The following DGKQ variants were observed in gnomAD, a reference collection of about 807,000 sequenced individuals.
DGKQ encodes the protein DAG kinase theta.
DGKQ carries 97 observed loss-of-function variants against 104.2 expected under a neutral mutation model. The observed-to-expected ratio is 0.93, with a 90% CI of 0.79 to 1.10. The LOEUF (loss-of-function observed/expected upper bound fraction) is 1.10, where lower values mean the gene tolerates loss of function less well. Among genes scored for constraint, DGKQ ranks in the 50% least tolerant of loss-of-function variants. The pLI is 0.00. For synonymous variants in DGKQ, 736 were observed against 595.2 expected, an observed-to-expected ratio of 1.24 and a Z score of -3.44; for missense variants, 1,465 against 1,352.1, an observed-to-expected ratio of 1.08 and a Z score of -1.31.
At position 960,515 on chromosome 4, in the gene DGKQ, C is replaced by T; in HGVS notation, c.*105G>A. On this transcript the variant is annotated 3_prime_UTR_variant, in exon 23 of 23. Coordinates refer to ENST00000273814, the MANE Select transcript of DGKQ (RefSeq NM_001347.4). The stretch of plus-strand genomic sequence containing the variant: ...GGTCAGGGCTGTAGCCAGGTCCGAC[C>T]ACAGGGCCGGCCACTGTGTGGACGT... 9.4e-7 allele frequency: 1 copy of T among 1,064,026 alleles called. No homozygotes were observed. Among genetic ancestry groups the T allele is most frequent in the Non-Finnish European group, 1.4e-6 (1 of 708,664 alleles). The allele number at this position is 1,064,026 out of a possible 1,614,324, so 65.9% of individuals were successfully genotyped here.
chr4:963,066 A>C, intron 16 of DGKQ, 73 bp downstream of exon 16: 1 of 1,513,686 alleles, frequency 6.6e-7, no homozygotes, highest in Non-Finnish European at 8.9e-7. Flanking sequence ...GCCGGCCGAG[A>C]CAGCTGTGGC....
At chr4:960,842 G>T in intron 22 of DGKQ, 121 bp from the exon 23 acceptor site, 1 of 1,494,628 alleles carries the variant, frequency 6.7e-7, no homozygotes, top group South Asian at 1.3e-5. Context: ...TTTCACGGAA[G>T]GGGAGGGACC....
chr4:965,800 G>T, intron 13 of DGKQ, 128 bp downstream of exon 13: 1 of 1,116,606 alleles, frequency 9.0e-7, no homozygotes, highest in Non-Finnish European at 1.2e-6. Context: ...AGAGACGTGG[G>T]CTGGACCCGG....
rs1346500510 is a variant in DGKQ, at chr4:967,130, T to A, written c.1219A>T (p.Lys407Ter). 4.4e-6 allele frequency: 7 copies of A among 1,583,358 alleles called. No homozygotes were observed. The highest frequency in any genetic ancestry group is 6.0e-6 in the Non-Finnish European group (7 of 1,163,798). Reference protein sequence around the residue: ...EVLKIYPGWLKVGVAYVSVRV... With the variant: ...EVLKIYPGWL ...CCTGAGCCTCGGGCCCAGTCTCACT[T>A]GAGCCAGCCAGGGTAGATCTTCAGG... The change falls in exon 9 of 23, where the codon AAG (lysine) becomes TAG (stop). Residue 407 changes from lysine (K) to a stop codon, truncating the protein, a stop_gained and splice_region_variant. Coordinates refer to ENST00000273814, the MANE Select transcript of DGKQ (RefSeq NM_001347.4). LOFTEE classifies it high-confidence loss of function.
At position 971,453 on chromosome 4, in the gene DGKQ, C is replaced by T. The variant is rs1038674190; in HGVS notation, c.272-381G>A. 2.0e-5 allele frequency among the ~76,000 whole-genome samples: 3 copies of T among 152,210 alleles called. No individual in the cohort carries two copies. The highest frequency in any genetic ancestry group is 4.4e-5 in the Non-Finnish European group (3 of 68,026). The stretch of plus-strand genomic sequence containing the variant: ...CTCGGCCTTCGGCAGATTGGCTTTA[C>T]CAAGGACATCTGTGTCTCACTCCCC... On this transcript the variant is annotated intron_variant, in intron 1 of 22. Coordinates refer to ENST00000273814, the MANE Select transcript of DGKQ (RefSeq NM_001347.4). This position sits in a 1 kb window ranked among gnomAD's most constrained non-coding sequence, Gnocchi z 4.0.
Position 967,331 on chromosome 4 carries a change from C to T in DGKQ, c.1018G>A (p.Glu340Lys), listed in dbSNP as rs753823331. ...CACAGCTCCAGGTGGCCAGGGTCCTCGGGGATGTGGTGGGCCCGCAGTGCG... is the reference window on the plus strand; with the variant it reads ...CACAGCTCCAGGTGGCCAGGGTCCTTGGGGATGTGGTGGGCCCGCAGTGCG... ...EAALRAHHIP[E>K]DPGHLELCRL... The change falls in exon 9 of 23, where the codon GAG (glutamate) becomes AAG (lysine). Residue 340 changes from glutamate to lysine, a missense_variant. By Grantham distance (56) the Glu-to-Lys change is moderately conservative. Transcript: ENST00000273814. 3.2e-5 allele frequency: 48 copies of T among 1,497,392 alleles called. 1 individual carries two copies. The South Asian group carries it at 4.1e-4, about 13-fold the overall frequency. 92.8% of individuals were successfully genotyped at this position (1,497,392 alleles called of 1,614,324 possible). A position where few individuals can be genotyped will look rare whatever the true frequency, so the allele number is the denominator to read the frequency against.
rs1437903891 is a variant in DGKQ, at chr4:971,162, C to T, written c.272-90G>A. 2.2e-6 allele frequency: 2 copies of T among 910,442 alleles called. No homozygotes were observed. The highest frequency in any genetic ancestry group is 3.5e-6 in the Non-Finnish European group (2 of 576,986). The allele number at this position is 910,442 out of a possible 1,614,324, so 56.4% of individuals were successfully genotyped here. On this transcript the variant is annotated intron_variant, in intron 1 of 22. Transcript: ENST00000273814. The surrounding 1 kb of genome is among the most constrained non-coding windows in gnomAD (Gnocchi z 4.0). ...TTAGAGGCCCCAGGGCAATGACTGC[C>T]ATACCCACCATGCTGCACCAGGGGC...
intron 12 of DGKQ, 119 bp from the exon 13 acceptor site, chr4:966,197 G>A (rs1272791712): frequency 1.8e-6 from 2 of 1,137,936 alleles, no homozygotes; most frequent in Non-Finnish European, 2.5e-6. Context: ...CAGGAATTAA[G>A]TCAACAGGAA....
chr4:969,029 T>C, intron 2 of DGKQ, 119 bp from the exon 3 acceptor site: 2 of 650,594 alleles, frequency 3.1e-6, no homozygotes, highest in Admixed American at 6.6e-5. Flanking sequence ...CTGCCCAGGC[T>C]GAGCCAGCTG....
rs371264113 is a variant in DGKQ, at chr4:965,204, A to G, written c.1706T>C (p.Leu569Pro). 19 of 1,612,476 alleles carry G rather than the reference A, an allele frequency of 1.2e-5. No individual in the cohort carries two copies. Among genetic ancestry groups the G allele is most frequent in the African/African-American group, 2.7e-5 (2 of 74,914 alleles). Residue 569 changes from leucine to proline, a missense_variant, in exon 15 of 23, where the codon CTC (leucine) becomes CCC (proline). Physicochemically the swap from Leu to Pro is moderately conservative, Grantham distance 98. Coordinates refer to ENST00000273814, the MANE Select transcript of DGKQ (RefSeq NM_001347.4). Reference protein sequence around the residue: ...LKDMAVRGRLLTALVLPDLLH... With the variant: ...LKDMAVRGRLPTALVLPDLLH... The stretch of plus-strand genomic sequence containing the variant: ...CAGGTCGGGGAGCACCAGGGCAGTG[A>G]GCAGCCGGCCCCGCACAGCCATGTC...
At position 959,131 on chromosome 4, in the gene DGKQ, G is replaced by A. The variant is rs1456488039; in HGVS notation, c.*1489C>T. On this transcript the variant is annotated 3_prime_UTR_variant, in exon 23 of 23. Transcript: ENST00000273814. ...GAAGATGACAATGACGTAAACAAGA[G>A]TGCACGCTGGAGGCCACAAGCGGCC... The A allele has an allele frequency of 6.5e-6, 1 of 152,700 alleles. No homozygotes were observed. Among genetic ancestry groups the A allele is most frequent in the South Asian group, 2.1e-4 (1 of 4,844 alleles). 9.5% of individuals were successfully genotyped at this position (152,700 alleles called of 1,614,324 possible). A position where few individuals can be genotyped will look rare whatever the true frequency, so the allele number is the denominator to read the frequency against.
chr4:960,504 CCAGGTCCGACCACAGGG>C lies in DGKQ; in HGVS notation c.*99_*115del. The C allele has an allele frequency of 1.1e-6, 1 of 909,686 alleles. No individual in the cohort carries two copies. The highest frequency in any genetic ancestry group is 1.5e-5 in the South Asian group (1 of 68,738). 56.4% of individuals were successfully genotyped at this position (909,686 alleles called of 1,614,324 possible). The stretch of plus-strand genomic sequence containing the variant: ...GAAGATGCTGTGGTCAGGGCTGTAG[CCAGGTCCGACCACAGGG>C]CCGGCCACTGTGTGGACGTGGAGCT... On this transcript the variant is annotated 3_prime_UTR_variant, in exon 23 of 23. Coordinates refer to ENST00000273814, the MANE Select transcript of DGKQ (RefSeq NM_001347.4).
intron 10 of DGKQ, 69 bp downstream of exon 10, chr4:966,895 C>G (rs975790042): frequency 6.4e-7 from 1 of 1,552,652 alleles, no homozygotes; most frequent in Admixed American, 1.9e-5. Flanking sequence ...GGATGGTGGC[C>G]TGGCCTCCTG....
intron 2 of DGKQ, 98 bp from the exon 3 acceptor site, chr4:969,008 C>A: frequency 1.2e-6 from 1 of 801,538 alleles, no homozygotes; most frequent in South Asian, 1.9e-5. Context: ...AGCTCACGCT[C>A]CTGCTGAGAA....
At chr4:968,740 G>A (rs1712679717) in intron 3 of DGKQ, 71 bp downstream of exon 3, 1 of 1,443,448 alleles carries the variant, frequency 6.9e-7, no homozygotes, top group Non-Finnish European at 9.5e-7. Flanking sequence ...CTGCACAGCA[G>A]GGGTGGGCTG....
chr4:970,869 G>A, intron 2 of DGKQ, 124 bp downstream of exon 2: 2 of 678,390 alleles, frequency 2.9e-6, no homozygotes, highest in Non-Finnish European at 5.1e-6. Flanking sequence ...AGCAGTATCT[G>A]CCCTTTGCCT....
rs760056995 is a variant in DGKQ, at chr4:961,139, G to T, written c.2637C>A (p.Val879=). Residue 879 remains valine, a synonymous_variant, in exon 22 of 23, where the codon GTC becomes GTA. Coordinates refer to ENST00000273814, the MANE Select transcript of DGKQ (RefSeq NM_001347.4). ...GCACCGGGGTGGCCTTGAGGAGCGT[G>T]ACTCGGAAGTAGGAACCCTGGGCAA... The part of the protein sequence containing the change: ...IRIAQGSYFR[V]TLLKATPVQV... 2.2e-5 allele frequency: 36 copies of T among 1,607,148 alleles called. No individual in the cohort carries two copies. The highest frequency in any genetic ancestry group is 3.0e-5 in the Non-Finnish European group (35 of 1,177,640).
At chr4:966,441 G>C in intron 12 of DGKQ, 25 bp downstream of exon 12, 3 of 1,609,774 alleles carry the variant, frequency 1.9e-6, no homozygotes, top group Non-Finnish European at 2.5e-6. Context: ...TGGTTCCCTG[G>C]GGGCCGGCGT....
chr4:961,692 G>C lies in DGKQ; in HGVS notation c.2458C>G (p.Pro820Ala). The change falls in exon 20 of 23, where the codon CCC (proline) becomes GCC (alanine). Residue 820 changes from proline to alanine, a missense_variant. Transcript: ENST00000273814. ...SIEGLIFINI[P>A]SWGSGADLWG... ...GGGAGCCCCGCCCGCGAGCACCTGGGGATGTTGATGAAGATGAGGCCTTCA... is the reference window on the plus strand; with the variant it reads ...GGGAGCCCCGCCCGCGAGCACCTGGCGATGTTGATGAAGATGAGGCCTTCA... The C allele has an allele frequency of 6.2e-7, 1 of 1,612,564 alleles. No individual in the cohort carries two copies. Among genetic ancestry groups the C allele is most frequent in the South Asian group, 1.1e-5 (1 of 91,084 alleles).
Sources: gnomAD v4.1 joint callset for allele counts (sites outside exome capture counted in the v4.1 genomes callset) on GRCh38, gnomAD v4.1.1 for gene constraint, Gnocchi (gnomAD v3.1) non-coding constraint, MANE v1.5 for transcripts, NCBI Gene and HGNC (gene_info 2026-07-23, HGNC 2026-07-21) for gene names.